Variants in SEL1L3 observed in about 807,000 individuals in gnomAD.
SEL1L3 encodes protein sel-1 homolog 3.
In SEL1L3, 76 loss-of-function variants were observed where a neutral mutation model predicts 142.8. The ratio of observed to expected loss-of-function variants is 0.53; its 90% CI spans 0.44 to 0.64. The LOEUF (loss-of-function observed/expected upper bound fraction) is 0.64, where lower values mean the gene tolerates loss of function less well. Among genes scored for constraint, SEL1L3 ranks in the 30% least tolerant of loss-of-function variants. SEL1L3 has a pLI of 0.00. For missense variants in SEL1L3, 1,262 were observed against 1,381.7 expected, an observed-to-expected ratio of 0.91 and a Z score of 1.37; for synonymous variants, 504 against 519.6, an observed-to-expected ratio of 0.97 and a Z score of 0.41.
chr4:25,837,033 CAA>C (rs1285540735), intron 2 of SEL1L3, among the ~76,000 whole-genome samples: 1 of 151,996 alleles, frequency 6.6e-6, no homozygotes, highest in Non-Finnish European at 1.5e-5. Flanking sequence ...TTTGGAAATC[CAA>C]AAGAGTGGAG....
At chr4:25,749,063 T>C (rs1717422543) in intron 23 of SEL1L3, among the ~76,000 whole-genome samples, 1 of 152,114 alleles carries the variant, frequency 6.6e-6, no homozygotes, top group Non-Finnish European at 1.5e-5. Context: ...CAAAGACCAT[T>C]TTGCAGCAGT....
At chr4:25,772,252 T>C (rs1326525498) in intron 17 of SEL1L3, among the ~76,000 whole-genome samples, 1 of 152,224 alleles carries the variant, frequency 6.6e-6, no homozygotes, top group Non-Finnish European at 1.5e-5. Flanking sequence ...CTCATTGTAA[T>C]AGATACAAAA....
Position 25,748,308 on chromosome 4 carries a change from T to G in SEL1L3, c.*117A>C, listed in dbSNP as rs1267898803. ...AAAAAATGACACCAATTGCAAAATT[T>G]GCATCCAGTTGACAAGACATTTAAG... On this transcript the variant is annotated 3_prime_UTR_variant, in exon 24 of 24. Coordinates refer to ENST00000399878, the MANE Select transcript of SEL1L3 (RefSeq NM_015187.5). 9.0e-7 allele frequency: 1 copy of G among 1,113,718 alleles called. No individual in the cohort carries two copies. Among genetic ancestry groups the G allele is most frequent in the Admixed American group, 2.9e-5 (1 of 34,466 alleles). The allele number at this position is 1,113,718 out of a possible 1,614,324, so 69.0% of individuals were successfully genotyped here. A position where few individuals can be genotyped will look rare whatever the true frequency, so the allele number is the denominator to read the frequency against.
intron 1 of SEL1L3, among the ~76,000 whole-genome samples, chr4:25,858,246 G>C (rs1717398594): frequency 6.6e-6 from 1 of 152,238 alleles, no homozygotes; most frequent in Non-Finnish European, 1.5e-5. Context: ...ACCATGGCTT[G>C]GGAAATTTTA....
chr4:25,849,901 A>C (rs1226915025), intron 1 of SEL1L3, among the ~76,000 whole-genome samples: 2 of 152,232 alleles, frequency 1.3e-5, no homozygotes, highest in African/African-American at 4.8e-5. Context: ...AACAAGCCCA[A>C]GGGTGCATAG....
chr4:25,720,611 A>T, the SEL1L3 span: 5 of 152,288 alleles, frequency 3.3e-5, no homozygotes, highest in South Asian at 2.1e-4. Flanking sequence ...CGGTGGTTGG[A>T]TGTAAAGTGG....
chr4:25,715,178 C>T, the SEL1L3 span, among the ~76,000 whole-genome samples: 1 of 152,078 alleles, frequency 6.6e-6, no homozygotes, highest in Non-Finnish European at 1.5e-5. Flanking sequence ...CTATGTTCAA[C>T]TTCGTTAATA....
intron 9 of SEL1L3, among the ~76,000 whole-genome samples, chr4:25,810,516 T>G (rs1003285899): frequency 2.0e-5 from 3 of 152,162 alleles, no homozygotes; most frequent in African/African-American, 7.2e-5. Flanking sequence ...AGCACAACTC[T>G]TAAATAATGA....
At chr4:25,852,788 A>G (rs1321877733) in intron 1 of SEL1L3, among the ~76,000 whole-genome samples, 3 of 152,136 alleles carry the variant, frequency 2.0e-5, no homozygotes, top group Non-Finnish European at 4.4e-5. Context: ...TATACCTTAA[A>G]AACTCACCCA....
rs376619211 is a variant in SEL1L3, at chr4:25,802,221, A to T, written c.1956+62T>A. On this transcript the variant is annotated intron_variant, in intron 11 of 23. Coordinates refer to ENST00000399878, the MANE Select transcript of SEL1L3 (RefSeq NM_015187.5). ...ACTACAAAAGCAACCACAGGGGCAG[A>T]CACTTCATGAAAGCAGGTAAACAGG... The T allele has an allele frequency of 5.8e-5, 85 of 1,469,144 alleles. No homozygotes were observed. The East Asian group carries it at 7.8e-4, about 14-fold the overall frequency. 91.0% of individuals were successfully genotyped at this position (1,469,144 alleles called of 1,614,324 possible).
upstream of SEL1L3, chr4:25,863,566 C>A (rs1393793016): frequency 1.6e-5 from 11 of 701,894 alleles, no homozygotes; most frequent in Non-Finnish European, 2.6e-5. Flanking sequence ...CGCAGCTGCC[C>A]GGCTCCCAGG....
chr4:25,806,301 T>C (rs1282577259), intron 9 of SEL1L3, among the ~76,000 whole-genome samples: 1 of 151,740 alleles, frequency 6.6e-6, no homozygotes, highest in Admixed American at 6.6e-5. Context: ...CCTCCCAAAG[T>C]GCTGGGATTA....
intron 13 of SEL1L3, among the ~76,000 whole-genome samples, chr4:25,786,641 A>G (rs1711860120): frequency 6.6e-6 from 1 of 152,088 alleles, no homozygotes; most frequent in Non-Finnish European, 1.5e-5. Flanking sequence ...CTCTCTGTGT[A>G]TGAGCTCCCT....
intron 12 of SEL1L3, 127 bp downstream of exon 12, chr4:25,790,328 T>C (rs1308543723): frequency 1.1e-6 from 1 of 884,740 alleles, no homozygotes; most frequent in Non-Finnish European, 1.8e-6. Context: ...CTATTGGACA[T>C]GCAGTGTGAG....
At chr4:25,858,864 G>A (rs994123297) in intron 1 of SEL1L3, among the ~76,000 whole-genome samples, 4 of 152,180 alleles carry the variant, frequency 2.6e-5, no homozygotes, top group South Asian at 2.1e-4. Flanking sequence ...GATTACAGGC[G>A]TAAGACACCG....
In SEL1L3 at chr4:25,756,335, G is replaced by T. The variant is rs185081068; in HGVS notation, c.3259+1199C>A. On this transcript the variant is annotated intron_variant, in intron 23 of 23. Transcript: ENST00000399878. ...ATGCATGAGTTATCACAAATGACAC[G>T]ACTGGGGCCTTCCTCTTACTCAGCT... 26 of 985,280 alleles carry T rather than the reference G, an allele frequency of 2.6e-5. No individual in the cohort carries two copies. In the African/African-American group the frequency reaches 3.8e-4, roughly 15 times the overall value. The allele number at this position is 985,280 out of a possible 1,614,324, so 61.0% of individuals were successfully genotyped here. A position where few individuals can be genotyped will look rare whatever the true frequency, so the allele number is the denominator to read the frequency against.
chr4:25,862,986 A>G lies in SEL1L3; in HGVS notation c.-150T>C. 3.2e-6 allele frequency: 1 copy of G among 317,302 alleles called. No individual in the cohort carries two copies. The highest frequency in any genetic ancestry group is 4.0e-6 in the Non-Finnish European group (1 of 251,210). 19.7% of individuals were successfully genotyped at this position (317,302 alleles called of 1,614,324 possible). A position where few individuals can be genotyped will look rare whatever the true frequency, so the allele number is the denominator to read the frequency against. The stretch of plus-strand genomic sequence containing the variant: ...CACCTCCGGACCCGCCGCCGCCGCC[A>G]CTGCCGCTCCCGCCGTCGCCGCCCC... On this transcript the variant is annotated 5_prime_UTR_variant, in exon 1 of 24. Transcript: ENST00000399878.
intron 2 of SEL1L3, among the ~76,000 whole-genome samples, chr4:25,842,807 C>T (rs1372312979): frequency 6.6e-6 from 1 of 152,280 alleles, no homozygotes; most frequent in Non-Finnish European, 1.5e-5. Context: ...GGAGCTTGTG[C>T]TCCAGTGTGG....
At chr4:25,796,673 T>C (rs544887404) in intron 11 of SEL1L3, among the ~76,000 whole-genome samples, 1 of 151,820 alleles carries the variant, frequency 6.6e-6, no homozygotes, top group East Asian at 1.9e-4. Context: ...TCACTTGTAG[T>C]CCCAGCTACT....
Sources: allele counts gnomAD v4.1 joint callset (sites outside exome capture counted in the v4.1 genomes callset), GRCh38; gene constraint gnomAD v4.1.1; transcripts MANE v1.5; gene names NCBI Gene and HGNC (gene_info 2026-07-23, HGNC 2026-07-21).